IQCM: variants seen among roughly 807,000 people sequenced by gnomAD.
IQCM encodes the protein IQ domain-containing protein M.
IQCM carries 45 observed loss-of-function variants against 57.6 expected under a neutral mutation model. The ratio of observed to expected loss-of-function variants is 0.78; its 90% CI spans 0.62 to 1.00. The LOEUF (loss-of-function observed/expected upper bound fraction) is 1.00, where lower values mean the gene tolerates loss of function less well. IQCM is among the 50% of genes least tolerant of loss of function. The pLI is 0.00. For synonymous variants in IQCM, 148 were observed against 158.9 expected (o/e 0.93, Z 0.51); for missense variants, 468 against 511.6 (o/e 0.91, Z 0.82).
chr4:149,752,550 T>TA (rs35458090), intron 2 of IQCM, among the ~76,000 whole-genome samples: 29,536 of 141,188 alleles, frequency 0.21, 3,274 homozygotes, highest in Middle Eastern at 0.33. Context: ...GACTCTGTCT[T>TA]AAAAAAAAAA....
chr4:149,698,319 A>G lies in IQCM; in HGVS notation c.386-11851T>C, dbSNP rs544591998. 3.3e-5 allele frequency among the ~76,000 whole-genome samples: 5 copies of G among 152,262 alleles called. No individual in the cohort carries two copies. The South Asian group carries it at 6.2e-4, about 19-fold the overall frequency. Reference sequence around the variant, plus strand: ...AGCAAATTTTATATTTCATAATCCCATAATCCCATAATATTGTTCATAATG... The same window carrying G: ...AGCAAATTTTATATTTCATAATCCCGTAATCCCATAATATTGTTCATAATG... On this transcript the variant is annotated intron_variant, in intron 5 of 13. Transcript: ENST00000636793.
At chr4:149,749,636 G>T (rs147333300) in intron 2 of IQCM, among the ~76,000 whole-genome samples, 1 of 151,980 alleles carries the variant, frequency 6.6e-6, no homozygotes, top group Non-Finnish European at 1.5e-5. Context: ...TGTACACTTC[G>T]TCAATATTCA....
intron 13 of IQCM, among the ~76,000 whole-genome samples, chr4:149,427,134 C>G (rs1280412200): frequency 2.0e-5 from 3 of 151,810 alleles, no homozygotes; most frequent in Non-Finnish European, 4.4e-5. Context: ...TTCTATTTGA[C>G]CCAGGAACCA....
At chr4:149,401,206 A>C (rs1481548285) in intron 13 of IQCM, among the ~76,000 whole-genome samples, 1 of 151,880 alleles carries the variant, frequency 6.6e-6, no homozygotes, top group Non-Finnish European at 1.5e-5. Flanking sequence ...CAGATGTCTA[A>C]GGCAGATGCA....
At chr4:149,659,898 T>C (rs1228905194) in intron 7 of IQCM, among the ~76,000 whole-genome samples, 2 of 151,726 alleles carry the variant, frequency 1.3e-5, no homozygotes, top group Non-Finnish European at 2.9e-5. Flanking sequence ...ACCTAGGCAT[T>C]ACCATTCAGG....
At chr4:149,698,344 G>C (rs921395300) in intron 5 of IQCM, among the ~76,000 whole-genome samples, 1 of 152,022 alleles carries the variant, frequency 6.6e-6, no homozygotes, top group East Asian at 1.9e-4. Flanking sequence ...TGTTCATAAT[G>C]TTGATTGAAC....
Position 149,732,933 on chromosome 4 carries a change from C to T in IQCM, c.385+311G>A, listed in dbSNP as rs558293158. ...CAAAAACAGAATTCAGGGCTATCGT[C>T]CATGGCTGCTTTAGCATCTGTGAAA... is the stretch of plus-strand genomic sequence containing the variant. On this transcript the variant is annotated intron_variant, in intron 5 of 13. Coordinates refer to ENST00000636793, the MANE Select transcript of IQCM (RefSeq NM_001363507.2). 2.0e-5 allele frequency among the ~76,000 whole-genome samples: 3 copies of T among 152,294 alleles called. No individual in the cohort carries two copies. In the South Asian group the frequency reaches 6.2e-4, roughly 32 times the overall value.
intron 13 of IQCM, among the ~76,000 whole-genome samples, chr4:149,361,434 C>T (rs1729478299): frequency 6.6e-6 from 1 of 152,152 alleles, no homozygotes; most frequent in African/African-American, 2.4e-5. Flanking sequence ...CATGGCAGCC[C>T]CTCCCATCAC....
chr4:149,565,116 C>T (rs1445557901), intron 9 of IQCM, among the ~76,000 whole-genome samples: 2 of 152,032 alleles, frequency 1.3e-5, no homozygotes, highest in African/African-American at 2.4e-5. Flanking sequence ...AAATGGAGTT[C>T]CACTGACTGA....
intron 11 of IQCM, among the ~76,000 whole-genome samples, chr4:149,550,141 G>C (rs1748884657): frequency 1.3e-5 from 2 of 152,156 alleles, no homozygotes; most frequent in Non-Finnish European, 2.9e-5. Flanking sequence ...TATGCACCAA[G>C]CAGTGGGCCT....
intron 12 of IQCM, among the ~76,000 whole-genome samples, chr4:149,493,309 A>C (rs779149398): frequency 3.9e-5 from 6 of 152,120 alleles, no homozygotes; most frequent in Non-Finnish European, 8.8e-5. Flanking sequence ...AAAAACTTAA[A>C]TGAACTTTAA....
At chr4:149,737,532 G>A (rs945976322) in intron 3 of IQCM, 7 of 152,116 alleles carry the variant, frequency 4.6e-5, no homozygotes, top group African/African-American at 1.7e-4. Context: ...ATTATTGAAG[G>A]CCACACTCTC....
Position 149,361,122 on chromosome 4 carries a change from C to A in IQCM, c.1391-9056G>T, listed in dbSNP as rs567430217. Among the ~76,000 whole-genome samples the A allele has an allele frequency of 6.6e-5, 10 of 152,224 alleles. No individual in the cohort carries two copies. In the South Asian group the frequency reaches 2.1e-3, roughly 32 times the overall value. On this transcript the variant is annotated intron_variant, in intron 13 of 13. Coordinates refer to ENST00000636793, the MANE Select transcript of IQCM (RefSeq NM_001363507.2). ...AGAGACTGGCGGCATTTTGCCCCTG[C>A]CCTAGAGATCTGCAGAACTTTGAAT...
At chr4:149,654,872 G>T (rs1759503795) in intron 7 of IQCM, among the ~76,000 whole-genome samples, 2 of 152,088 alleles carry the variant, frequency 1.3e-5, no homozygotes, top group South Asian at 4.1e-4. Flanking sequence ...TAAAAAGTAT[G>T]CAAAACATAT....
intron 2 of IQCM, among the ~76,000 whole-genome samples, chr4:149,814,034 T>C (rs938726025): frequency 6.6e-6 from 1 of 152,050 alleles, no homozygotes; most frequent in Non-Finnish European, 1.5e-5. Flanking sequence ...TAGGAAGCAG[T>C]TGAAACAAAT....
chr4:149,764,736 A>T (rs190807533), intron 2 of IQCM, among the ~76,000 whole-genome samples: 1 of 152,190 alleles, frequency 6.6e-6, no homozygotes, highest in African/African-American at 2.4e-5. Context: ...GGTACTAGAG[A>T]CCTCATAGCT....
At chr4:149,550,900 T>C (rs779804862) in intron 11 of IQCM, among the ~76,000 whole-genome samples, 1 of 152,198 alleles carries the variant, frequency 6.6e-6, no homozygotes, top group Non-Finnish European at 1.5e-5. Flanking sequence ...TGTTCTACTG[T>C]TCAGCTCCTA....
chr4:149,646,350 A>C (rs948618355), intron 7 of IQCM, among the ~76,000 whole-genome samples: 2 of 152,052 alleles, frequency 1.3e-5, no homozygotes, highest in Middle Eastern at 3.4e-3. Flanking sequence ...TATTCTTTGA[A>C]TGCATCATGG....
At chr4:149,714,974 T>G (rs1764869113) in intron 5 of IQCM, among the ~76,000 whole-genome samples, 1 of 152,206 alleles carries the variant, frequency 6.6e-6, no homozygotes, top group Admixed American at 6.5e-5. Context: ...AATTGTTTAT[T>G]TCTGGAATTT....
Sources: allele counts gnomAD v4.1 joint callset (sites outside exome capture counted in the v4.1 genomes callset), GRCh38; gene constraint gnomAD v4.1.1; transcripts MANE v1.5; gene names NCBI Gene and HGNC (gene_info 2026-07-23, HGNC 2026-07-21).